Variants in DCC observed in about 807,000 individuals in gnomAD.
DCC encodes the protein DCC netrin 1 receptor.
In DCC, 58 loss-of-function variants were observed where a neutral mutation model predicts 172.5. The ratio of observed to expected loss-of-function variants is 0.34; its 90% CI spans 0.27 to 0.42. The LOEUF (loss-of-function observed/expected upper bound fraction) is 0.42. Ranked by LOEUF, DCC falls within the 10% of genes least tolerant of loss-of-function variation. DCC has a pLI of 1.00. For missense variants in DCC, 1,740 were observed against 1,791.0 expected, an observed-to-expected ratio of 0.97 and a Z score of 0.51; for synonymous variants, 709 against 644.5, an observed-to-expected ratio of 1.10 and a Z score of -1.52.
At chr18:53,053,092 G>A (rs951570662) in intron 5 of DCC, among the ~76,000 whole-genome samples, 5 of 152,176 alleles carry the variant, frequency 3.3e-5, no homozygotes, top group African/African-American at 9.6e-5. Flanking sequence ...GTAGTGAGCC[G>A]AGATCGAACC....
At chr18:53,411,064 G>T (rs1377849347) in intron 20 of DCC, among the ~76,000 whole-genome samples, 3 of 151,730 alleles carry the variant, frequency 2.0e-5, no homozygotes, top group Non-Finnish European at 4.4e-5. Flanking sequence ...ATTTTGATAT[G>T]ACAAGACAGA....
intron 5 of DCC, among the ~76,000 whole-genome samples, chr18:53,016,646 TATTTA>T (rs2041810910): frequency 6.6e-6 from 1 of 152,120 alleles, no homozygotes; most frequent in Admixed American, 6.5e-5. Flanking sequence ...TTATTTTGTT[TATTTA>T]ATTTTATAAT....
intron 1 of DCC, among the ~76,000 whole-genome samples, chr18:52,388,230 G>A (rs925863041): frequency 6.6e-6 from 1 of 151,934 alleles, no homozygotes; most frequent in African/African-American, 2.4e-5. Context: ...GAGGCATTAG[G>A]AGAAGGCAAC....
chr18:52,958,239 T>G (rs531641682), intron 5 of DCC, among the ~76,000 whole-genome samples: 1 of 152,134 alleles, frequency 6.6e-6, no homozygotes, highest in African/African-American at 2.4e-5. Context: ...ATCTTTTAGT[T>G]TTTTTATAAT....
chr18:52,532,236 A>C (rs528290695), intron 1 of DCC, among the ~76,000 whole-genome samples: 1 of 152,272 alleles, frequency 6.6e-6, no homozygotes, highest in African/African-American at 2.4e-5. Flanking sequence ...AAAAAAGTTC[A>C]AAAAAAGCAT....
At chr18:52,795,368 T>C (rs2037854509) in intron 2 of DCC, among the ~76,000 whole-genome samples, 1 of 152,044 alleles carries the variant, frequency 6.6e-6, no homozygotes, top group South Asian at 2.1e-4. Context: ...TGTATGCGTT[T>C]AGGAATGTTT....
chr18:52,610,501 A>G (rs2034257353), intron 1 of DCC, among the ~76,000 whole-genome samples: 2 of 151,116 alleles, frequency 1.3e-5, no homozygotes, highest in South Asian at 4.2e-4. Context: ...AAGACTGACC[A>G]TAAAACTAAA....
chr18:53,335,015 G>C (rs767430263), intron 14 of DCC, among the ~76,000 whole-genome samples: 1 of 152,072 alleles, frequency 6.6e-6, no homozygotes, highest in African/African-American at 2.4e-5. Context: ...ACCCTTATAT[G>C]GTTTCTTTAT....
intron 1 of DCC, among the ~76,000 whole-genome samples, chr18:52,655,276 T>A (rs2035224242): frequency 6.6e-6 from 1 of 152,150 alleles, no homozygotes; most frequent in Non-Finnish European, 1.5e-5. Context: ...AAGTCACAGG[T>A]GAACATTGAG....
At chr18:52,534,035 G>A (rs181066554) in intron 1 of DCC, among the ~76,000 whole-genome samples, 2 of 152,194 alleles carry the variant, frequency 1.3e-5, no homozygotes, top group Admixed American at 1.3e-4. Flanking sequence ...TGCTTTAGTA[G>A]TTCATTCCTT....
chr18:53,279,894 C>G (rs1054864983), intron 12 of DCC, among the ~76,000 whole-genome samples: 1 of 151,918 alleles, frequency 6.6e-6, no homozygotes, highest in Non-Finnish European at 1.5e-5. Flanking sequence ...ATTGAGTGCA[C>G]ATAGACACAA....
At chr18:52,583,478 C>G (rs1210116858) in intron 1 of DCC, among the ~76,000 whole-genome samples, 1 of 152,124 alleles carries the variant, frequency 6.6e-6, no homozygotes, top group Non-Finnish European at 1.5e-5. Flanking sequence ...AAGAGTTATA[C>G]AAATTTAGAA....
At chr18:52,372,993 C>T (rs1006970864) in intron 1 of DCC, among the ~76,000 whole-genome samples, 5 of 152,172 alleles carry the variant, frequency 3.3e-5, no homozygotes, top group African/African-American at 7.2e-5. Context: ...TCTATTCCCA[C>T]GCTAGGTTTG....
At chr18:53,052,143 G>T (rs2042342455) in intron 5 of DCC, among the ~76,000 whole-genome samples, 1 of 151,610 alleles carries the variant, frequency 6.6e-6, no homozygotes, top group African/African-American at 2.4e-5. Context: ...TCTAATTTAT[G>T]TATTAGTTAT....
At chr18:52,416,317 T>C (rs1398244469) in intron 1 of DCC, among the ~76,000 whole-genome samples, 1 of 151,696 alleles carries the variant, frequency 6.6e-6, no homozygotes, top group Non-Finnish European at 1.5e-5. Flanking sequence ...TTGGAATAGG[T>C]GTGGTGTGGT....
chr18:52,965,112 AG>A (rs2040908335), intron 5 of DCC: 1 of 152,188 alleles, frequency 6.6e-6, no homozygotes, highest in South Asian at 2.1e-4. Flanking sequence ...ACAGCTACAA[AG>A]TTCCTTTCAC....
chr18:52,381,604 A>T (rs1164534891), intron 1 of DCC, among the ~76,000 whole-genome samples: 1 of 152,098 alleles, frequency 6.6e-6, no homozygotes, highest in Non-Finnish European at 1.5e-5. Flanking sequence ...TACAGGGCTG[A>T]CTTCACTTCC....
At chr18:53,115,883 CA>C (rs1463882883) in intron 7 of DCC, among the ~76,000 whole-genome samples, 1 of 151,416 alleles carries the variant, frequency 6.6e-6, no homozygotes, top group East Asian at 2.0e-4. Context: ...TATTCTGTGG[CA>C]ACTTTATGAT....
At chr18:52,842,347 G>A (rs1451283426) in intron 2 of DCC, among the ~76,000 whole-genome samples, 1 of 152,186 alleles carries the variant, frequency 6.6e-6, no homozygotes, top group African/African-American at 2.4e-5. Flanking sequence ...TCAAGTTGGA[G>A]ACCTGGAAAG....
Sources: allele counts gnomAD v4.1 joint callset (sites outside exome capture counted in the v4.1 genomes callset), GRCh38; gene constraint gnomAD v4.1.1; transcripts MANE v1.5; gene names NCBI Gene and HGNC (gene_info 2026-07-23, HGNC 2026-07-21).